CPNE4: variants seen among roughly 807,000 people sequenced by gnomAD.
CPNE4 encodes the protein copine-4.
In CPNE4, 25 loss-of-function variants were observed where a neutral mutation model predicts 67.9. That is an observed-to-expected ratio of 0.37 (90% confidence interval 0.27 to 0.51). The LOEUF is 0.51. Ranked by LOEUF, CPNE4 falls within the 20% of genes least tolerant of loss-of-function variation. The probability of loss-of-function intolerance (pLI) is 0.93; values close to 1 mark genes in which losing one functional copy is unlikely to be tolerated. For missense variants in CPNE4, 464 were observed against 690.8 expected (o/e 0.67, Z 3.68); for synonymous variants, 242 against 244.9 (o/e 0.99, Z 0.11).
chr3:131,547,971 C>T (rs1242288328), intron 14 of CPNE4, among the ~76,000 whole-genome samples: 1 of 152,112 alleles, frequency 6.6e-6, no homozygotes, highest in Non-Finnish European at 1.5e-5. Flanking sequence ...TTCAAACTTC[C>T]TATTCCCTTG....
chr3:131,708,196 G>C (rs561017729), intron 3 of CPNE4, among the ~76,000 whole-genome samples: 46 of 152,240 alleles, frequency 3.0e-4, no homozygotes, highest in Non-Finnish European at 6.2e-4. Flanking sequence ...GGGATAGAGA[G>C]TGAATGAGAG....
intron 11 of CPNE4, 27 bp downstream of exon 11, chr3:131,564,189 G>A (rs770051109): frequency 7.4e-6 from 12 of 1,612,130 alleles, no homozygotes; most frequent in Admixed American, 5.0e-5. Flanking sequence ...GAGATGATAA[G>A]GCTCCAAATG....
chr3:131,989,235 TA>T (rs2073122608), intron 1 of CPNE4, among the ~76,000 whole-genome samples: 2 of 152,164 alleles, frequency 1.3e-5, no homozygotes, highest in African/African-American at 4.8e-5. Context: ...CTAAAAGAAA[TA>T]AAACCTTTTG....
intron 2 of CPNE4, among the ~76,000 whole-genome samples, chr3:131,759,881 A>G (rs527882224): frequency 1.2e-4 from 19 of 152,178 alleles, no homozygotes; most frequent in Non-Finnish European, 2.4e-4. Context: ...TATTCTAAAG[A>G]CAGAACTCTA....
chr3:131,597,997 G>A (rs1015815202), intron 7 of CPNE4, among the ~76,000 whole-genome samples: 1 of 152,182 alleles, frequency 6.6e-6, no homozygotes, highest in Non-Finnish European at 1.5e-5. Flanking sequence ...TCTCTGCACT[G>A]CAAGGGGAAG....
chr3:131,944,626 A>G (rs1227050587), intron 1 of CPNE4, among the ~76,000 whole-genome samples: 2 of 151,208 alleles, frequency 1.3e-5, no homozygotes, highest in African/African-American at 4.9e-5. Flanking sequence ...CTGCAAAAAG[A>G]AAAAAAAAGA....
At chr3:131,923,662 G>T (rs1311249523) in intron 1 of CPNE4, among the ~76,000 whole-genome samples, 1 of 121,658 alleles carries the variant, frequency 8.2e-6, no homozygotes, top group African/African-American at 3.2e-5. Context: ...CCGAGATTAT[G>T]CCACTGCATT....
chr3:131,873,210 G>A (rs2087292876), intron 2 of CPNE4, among the ~76,000 whole-genome samples: 2 of 152,142 alleles, frequency 1.3e-5, no homozygotes, highest in South Asian at 4.1e-4. Context: ...TGTTTTCCCA[G>A]TCCCAAGGGT....
intron 5 of CPNE4, among the ~76,000 whole-genome samples, 160 bp downstream of exon 5, chr3:131,696,382 C>A (rs1280927547): frequency 1.3e-5 from 2 of 152,102 alleles, no homozygotes; most frequent in African/African-American, 4.8e-5. Flanking sequence ...ATTAATTGAT[C>A]TTTAATGTGG....
intron 2 of CPNE4, among the ~76,000 whole-genome samples, chr3:131,819,472 TCACACAGACA>T (rs1199745538): frequency 7.5e-6 from 1 of 132,786 alleles, no homozygotes; most frequent in East Asian, 2.4e-4. Flanking sequence ...ACACCCACAT[TCACACAGACA>T]CACACAGATA....
chr3:132,018,228 G>A (rs1438184346), intron 1 of CPNE4, among the ~76,000 whole-genome samples: 1 of 152,156 alleles, frequency 6.6e-6, no homozygotes, highest in African/African-American at 2.4e-5. Flanking sequence ...TTCTTGATGG[G>A]AAAAGAAGGT....
chr3:131,707,790 C>T (rs115992057), intron 3 of CPNE4, among the ~76,000 whole-genome samples: 1,612 of 152,238 alleles, frequency 0.011, 11 homozygotes, highest in Middle Eastern at 0.024. Flanking sequence ...CAAACCACTA[C>T]AAGGGCCACT....
chr3:131,581,772 C>T lies in CPNE4; in HGVS notation c.781-107G>A, dbSNP rs1937852265. On this transcript the variant is annotated intron_variant, in intron 8 of 15. Coordinates refer to ENST00000429747, the MANE Select transcript of CPNE4 (RefSeq NM_130808.3). ...AGGACAAACTGAACTGGAGGGCTGA[C>T]AAATAGTCTCTAGGTGGTAACTCTT... 1.2e-5 allele frequency: 9 copies of T among 762,938 alleles called. No individual in the cohort carries two copies. In the South Asian group the frequency reaches 1.3e-4, roughly 11 times the overall value. 47.3% of individuals were successfully genotyped at this position (762,938 alleles called of 1,614,324 possible).
intron 7 of CPNE4, among the ~76,000 whole-genome samples, chr3:131,588,622 A>G (rs1938334029): frequency 6.6e-6 from 1 of 152,200 alleles, no homozygotes; most frequent in Non-Finnish European, 1.5e-5. Flanking sequence ...GATGCCTCAT[A>G]GATCTATAAT....
chr3:131,882,759 T>C (rs865883088), intron 2 of CPNE4, among the ~76,000 whole-genome samples: 39 of 147,446 alleles, frequency 2.6e-4, no homozygotes, highest in South Asian at 1.1e-3. Flanking sequence ...TCTCGCTCTG[T>C]TGCCCAGGCT....
chr3:131,773,651 G>A (rs1411752812), intron 2 of CPNE4, among the ~76,000 whole-genome samples: 1 of 151,930 alleles, frequency 6.6e-6, no homozygotes, highest in East Asian at 1.9e-4. Flanking sequence ...CCTGGCCAAG[G>A]AAGATTTAAA....
intron 2 of CPNE4, among the ~76,000 whole-genome samples, chr3:131,774,800 T>C (rs2083255557): frequency 6.6e-6 from 1 of 152,150 alleles, no homozygotes; most frequent in Non-Finnish European, 1.5e-5. Flanking sequence ...CTAGATATTG[T>C]TCTTAAAATG....
rs528890740 is a variant in CPNE4 at position 131,906,221 on chromosome 3, G to C, written c.-1-777C>G. Among the ~76,000 whole-genome samples the C allele has an allele frequency of 2.0e-5, 3 of 150,248 alleles. No homozygotes were observed. In the South Asian group the frequency reaches 6.3e-4, roughly 31 times the overall value. ...TTTTTTGTTTTTTTTTGTTGTTGTTGTTTTGTTTTGTTTTATTTTGTTTTT... is the reference window on the plus strand; with the variant it reads ...TTTTTTGTTTTTTTTTGTTGTTGTTCTTTTGTTTTGTTTTATTTTGTTTTT... On this transcript the variant is annotated intron_variant, in intron 1 of 15. Coordinates refer to ENST00000429747, the MANE Select transcript of CPNE4 (RefSeq NM_130808.3).
intron 1 of CPNE4, among the ~76,000 whole-genome samples, chr3:131,951,620 C>G (rs539491138): frequency 6.0e-4 from 92 of 152,296 alleles, no homozygotes; most frequent in African/African-American, 2.2e-3. Context: ...CGAGCAGAAG[C>G]TGGACTGTAC....
Sources: allele counts gnomAD v4.1 joint callset (sites outside exome capture counted in the v4.1 genomes callset), GRCh38; gene constraint gnomAD v4.1.1; transcripts MANE v1.5; gene names NCBI Gene and HGNC (gene_info 2026-07-23, HGNC 2026-07-21).